Variants in POLR3B observed in about 807,000 individuals in gnomAD.
POLR3B encodes the protein RNA polymerase III subunit B.
In POLR3B, 96 loss-of-function variants were observed where a neutral mutation model predicts 147.4. That is an observed-to-expected ratio of 0.65 (90% CI 0.55 to 0.77). The LOEUF (loss-of-function observed/expected upper bound fraction) is 0.77, where lower values mean the gene tolerates loss of function less well. Among genes scored for constraint, POLR3B ranks in the 30% least tolerant of loss-of-function variants. POLR3B has a pLI of 0.00. For missense variants in POLR3B, 1,036 were observed against 1,413.5 expected (o/e 0.73, Z 4.28); for synonymous variants, 461 against 485.9 (o/e 0.95, Z 0.67).
chr12:106,381,610 T>C (rs958643089), intron 9 of POLR3B, among the ~76,000 whole-genome samples: 2 of 152,224 alleles, frequency 1.3e-5, no homozygotes, highest in African/African-American at 4.8e-5. Flanking sequence ...CCACCACATC[T>C]GCAGCTACTT....
At chr12:106,431,848 C>T (rs959935450) in intron 14 of POLR3B, among the ~76,000 whole-genome samples, 3 of 152,156 alleles carry the variant, frequency 2.0e-5, no homozygotes, top group African/African-American at 4.8e-5. Flanking sequence ...ATTTACCTTT[C>T]GTGACCAAGA....
Position 106,378,306 on chromosome 12 carries a change from T to A in POLR3B, c.536T>A (p.Leu179His). The change falls in exon 8 of 28, where the codon CTT (leucine) becomes CAT (histidine). Residue 179 changes from leucine (L) to histidine (H), a missense_variant. Leu to His is a moderately conservative substitution (Grantham distance 99). This residue lies in a region of POLR3B where 217 missense variants were observed against 288.7 expected (regional missense o/e 0.75). Coordinates refer to ENST00000228347, the MANE Select transcript of POLR3B (RefSeq NM_018082.6). ...GTTAAAGGAGTAGAAAAAGTTATTC[T>A]TATCCAAGAGCAGCTGTCTAAGAAC... Reference protein sequence around the residue: ...FIVKGVEKVILIQEQLSKNRI... With the variant: ...FIVKGVEKVIHIQEQLSKNRI... The A allele has an allele frequency of 6.2e-7, 1 of 1,613,876 alleles. No individual in the cohort carries two copies. The highest frequency in any genetic ancestry group is 8.5e-7 in the Non-Finnish European group (1 of 1,179,762).
intron 16 of POLR3B, among the ~76,000 whole-genome samples, chr12:106,434,438 A>G (rs986633383): frequency 2.6e-5 from 4 of 152,134 alleles, no homozygotes; most frequent in African/African-American, 9.7e-5. Flanking sequence ...AAAGGCTGAA[A>G]AAAGGCAAGA....
chr12:106,506,073 C>T (rs1283751307), intron 27 of POLR3B, among the ~76,000 whole-genome samples: 1 of 152,080 alleles, frequency 6.6e-6, no homozygotes, highest in Non-Finnish European at 1.5e-5. Flanking sequence ...GACATGATTC[C>T]AAGGATAAGC....
intron 25 of POLR3B, 144 bp downstream of exon 25, chr12:106,497,062 G>A (rs1413598154): frequency 2.0e-5 from 15 of 742,004 alleles, no homozygotes; most frequent in African/African-American, 3.5e-5. Flanking sequence ...GGACGGCTTC[G>A]AATGCGGTCT....
At chr12:106,392,903 C>T in intron 9 of POLR3B, 128 bp from the exon 10 acceptor site, 1 of 1,173,732 alleles carries the variant, frequency 8.5e-7, no homozygotes, top group Non-Finnish European at 1.2e-6. Flanking sequence ...CCAGATGGCA[C>T]CATTTCTGAG....
At chr12:106,499,064 C>T (rs187646557) in intron 25 of POLR3B, among the ~76,000 whole-genome samples, 2 of 152,258 alleles carry the variant, frequency 1.3e-5, no homozygotes, top group East Asian at 3.9e-4. Context: ...ATATGGATTT[C>T]TTAGGTGTAT....
chr12:106,463,876 C>T (rs796877822), intron 23 of POLR3B, among the ~76,000 whole-genome samples: 21 of 152,106 alleles, frequency 1.4e-4, no homozygotes, highest in African/African-American at 4.8e-4. Context: ...ATTATAGATA[C>T]AGTCTAGGTG....
chr12:106,408,004 G>A (rs140516922), intron 11 of POLR3B, among the ~76,000 whole-genome samples: 34 of 152,212 alleles, frequency 2.2e-4, no homozygotes, highest in African/African-American at 8.2e-4. Context: ...TGATATAAAG[G>A]ATGATTTTCA....
At chr12:106,478,799 C>T (rs891006894) in intron 23 of POLR3B, among the ~76,000 whole-genome samples, 5 of 150,600 alleles carry the variant, frequency 3.3e-5, no homozygotes, top group Admixed American at 6.6e-5. Context: ...GTTCTTTGTA[C>T]AAAAAAAAAC....
intron 12 of POLR3B, among the ~76,000 whole-genome samples, chr12:106,412,535 A>G (rs2037242163): frequency 6.6e-6 from 1 of 152,182 alleles, no homozygotes; most frequent in Non-Finnish European, 1.5e-5. Context: ...ACTCAGAACC[A>G]TTTGCTTTTG....
In POLR3B at chr12:106,437,689, A is replaced by G; in HGVS notation, c.1865A>G (p.Glu622Gly). 6.3e-7 allele frequency: 1 copy of G among 1,581,134 alleles called. No homozygotes were observed. The highest frequency in any genetic ancestry group is 8.7e-7 in the Non-Finnish European group (1 of 1,150,308). ...CACCAATATTTTCCCAGGAATTTTG[A>G]AGATTTCTTACATGAGAGTCTGGTT... is the stretch of plus-strand genomic sequence containing the variant. ...EELAQGYRNF[E>G]DFLHESLVEY... Residue 622 changes from glutamate to glycine, a missense_variant, in exon 18 of 28, where the codon GAA becomes GGA. Glu to Gly is a moderately conservative substitution (Grantham distance 98). This residue lies in a region of POLR3B where 177 missense variants were observed against 232.7 expected (regional missense o/e 0.76). Coordinates refer to ENST00000228347, the MANE Select transcript of POLR3B (RefSeq NM_018082.6).
chr12:106,384,578 T>C (rs2036809281), intron 9 of POLR3B, among the ~76,000 whole-genome samples: 1 of 152,208 alleles, frequency 6.6e-6, no homozygotes. Context: ...GCCCTCATGC[T>C]GTAATCGAGT....
intron 6 of POLR3B, among the ~76,000 whole-genome samples, chr12:106,370,634 T>G (rs938781009): frequency 2.0e-5 from 3 of 149,072 alleles, no homozygotes; most frequent in South Asian, 2.1e-4. Context: ...TTTTATTGTT[T>G]TTTTTTTTTT....
At chr12:106,482,199 AT>A (rs1402878703) in intron 23 of POLR3B, among the ~76,000 whole-genome samples, 1 of 152,218 alleles carries the variant, frequency 6.6e-6, no homozygotes, top group Non-Finnish European at 1.5e-5. Context: ...GTAAAAGTCT[AT>A]TTTTTGAAGT....
chr12:106,470,229 C>T (rs546600072), intron 23 of POLR3B, among the ~76,000 whole-genome samples: 3 of 151,932 alleles, frequency 2.0e-5, no homozygotes, highest in East Asian at 1.9e-4. Context: ...TCCTTTCTTC[C>T]GCTTGATCGA....
chr12:106,408,581 A>G (rs1276328432), intron 11 of POLR3B, among the ~76,000 whole-genome samples: 1 of 152,212 alleles, frequency 6.6e-6, no homozygotes, highest in Non-Finnish European at 1.5e-5. Context: ...CAAGATGCCT[A>G]AGTCCCAGAC....
At chr12:106,419,681 GA>G (rs2037348714) in intron 12 of POLR3B, among the ~76,000 whole-genome samples, 1 of 150,072 alleles carries the variant, frequency 6.7e-6, no homozygotes, top group African/African-American at 2.5e-5. Flanking sequence ...TGTACAAAGG[GA>G]AAAAACTAAT....
Position 106,459,313 on chromosome 12 carries a change from C to G in POLR3B, c.2515C>G (p.Pro839Ala). 1 of 1,610,298 alleles carries G rather than the reference C, an allele frequency of 6.2e-7. No homozygotes were observed. Among genetic ancestry groups the G allele is most frequent in the South Asian group, 1.1e-5 (1 of 91,008 alleles). ...NKSMPTVTQI[P>A]LEGSNVPQQP... ...GTCCATGCCCACAGTGACTCAGATT[C>G]CTTTGGAAGGAAGTAATGTACCACA... The change falls in exon 22 of 28, where the codon CCT becomes GCT. Residue 839 changes from proline to alanine, a missense_variant. By Grantham distance (27) the Pro-to-Ala change is conservative (BLOSUM62 -1). Around this residue, in one of 12 missense-constraint regions of POLR3B, gnomAD observed 202 missense variants for 272.8 expected, o/e 0.74. Transcript: ENST00000228347.
Sources: allele counts gnomAD v4.1 joint callset (sites outside exome capture counted in the v4.1 genomes callset), GRCh38; gene constraint gnomAD v4.1.1; regional missense constraint gnomAD v4.1.1; transcripts MANE v1.5; gene names NCBI Gene and HGNC (gene_info 2026-07-23, HGNC 2026-07-21).